NOLC1: variants seen among roughly 807,000 people sequenced by gnomAD.
The protein encoded by NOLC1 is 140 kDa nucleolar phosphoprotein.
A neutral mutation model predicts 73.4 loss-of-function variants in NOLC1; 37 were observed. The observed-to-expected ratio is 0.50, with a 90% CI of 0.39 to 0.66. The LOEUF is 0.66. NOLC1 is among the 30% of genes least tolerant of loss of function. The probability of loss-of-function intolerance (pLI) is 0.00; values close to 1 mark genes in which losing one functional copy is unlikely to be tolerated. For synonymous variants in NOLC1, 327 were observed against 302.6 expected (o/e 1.08, Z -0.84); for missense variants, 921 against 838.9 (o/e 1.10, Z -1.21).
Position 102,152,410 on chromosome 10 carries a change from G to T in NOLC1, c.-1G>T. The T allele has an allele frequency of 1.2e-6, 2 of 1,609,658 alleles. No homozygotes were observed. Among genetic ancestry groups the T allele is most frequent in the South Asian group, 2.2e-5 (2 of 91,092 alleles). The stretch of plus-strand genomic sequence containing the variant: ...CGGTAGTGACGCGTATTGCCTGGAG[G>T]ATGGCGGACGCCGGCATTCGCCGCG... On this transcript the variant is annotated 5_prime_UTR_variant, in exon 1 of 13. Transcript: ENST00000605788.
At chr10:102,153,435 G>A (rs1021980780) in intron 1 of NOLC1, among the ~76,000 whole-genome samples, 9 of 152,098 alleles carry the variant, frequency 5.9e-5, no homozygotes, top group Admixed American at 5.9e-4. Context: ...AGAGGAGAGA[G>A]GGGGGGTCTT....
At position 102,162,344 on chromosome 10, in the gene NOLC1, C is replaced by G. The variant is rs1264088787; in HGVS notation, c.*75C>G. The G allele has an allele frequency of 2.6e-6, 4 of 1,535,588 alleles. No individual in the cohort carries two copies. Among genetic ancestry groups the G allele is most frequent in the African/African-American group, 1.4e-5 (1 of 73,082 alleles). ...TTTCTCCAGTGGACCTGGGAACCCT[C>G]AGGTCTCTAGGTGAGGGTCTTGATG... On this transcript the variant is annotated 3_prime_UTR_variant, in exon 13 of 13. Coordinates refer to ENST00000605788, the MANE Select transcript of NOLC1 (RefSeq NM_004741.5).
At chr10:102,154,809 G>C (rs569761576) in intron 1 of NOLC1, among the ~76,000 whole-genome samples, 1 of 151,648 alleles carries the variant, frequency 6.6e-6, no homozygotes, top group Admixed American at 6.6e-5. Context: ...TTACAGGCCC[G>C]TGAGCCACTG....
At chr10:102,161,239 T>A in intron 10 of NOLC1, 146 bp downstream of exon 10, 3 of 245,770 alleles carry the variant, frequency 1.2e-5, no homozygotes, top group Non-Finnish European at 1.9e-5. Context: ...ACTGGTTACC[T>A]TTTTTTTTTT....
rs758979469 is a variant in NOLC1 at position 102,159,493 on chromosome 10, C to A, written c.784C>A (p.Arg262=). ...APVKAATTPT[R]KSSSSEDSSS... is the part of the protein sequence containing the mutation. ...AGTGAAAGCAGCTACCACCCCTACCCGGAAGAGTTCTAGCAGTGAGGATTC... is the reference window on the plus strand; with the variant it reads ...AGTGAAAGCAGCTACCACCCCTACCAGGAAGAGTTCTAGCAGTGAGGATTC... The change falls in exon 7 of 13, where the codon CGG becomes AGG. Residue 262 remains arginine (R), a synonymous_variant. Transcript: ENST00000605788. 1.9e-6 allele frequency: 3 copies of A among 1,614,124 alleles called. No homozygotes were observed. The highest frequency in any genetic ancestry group is 1.7e-5 in the Admixed American group (1 of 60,010).
In NOLC1 at chr10:102,159,153, C is replaced by G. The variant is rs1175031505; in HGVS notation, c.608-40C>G. 4 of 1,608,226 alleles carry G rather than the reference C, an allele frequency of 2.5e-6. No individual in the cohort carries two copies. The South Asian group carries it at 4.4e-5, about 18-fold the overall frequency. ...GAGGTTTTTCATGGTCCTGACTTGC[C>G]CTAATACTCCTTACTCTTTCTTTTT... On this transcript the variant is annotated intron_variant, in intron 5 of 12. Transcript: ENST00000605788.
intron 11 of NOLC1, 22 bp from the exon 12 acceptor site, chr10:102,161,811 T>C (rs1490454725): frequency 1.9e-6 from 3 of 1,610,292 alleles, no homozygotes; most frequent in African/African-American, 1.3e-5. Context: ...TGTCTTTAAT[T>C]TCCTACTTCA....
intron 1 of NOLC1, among the ~76,000 whole-genome samples, chr10:102,153,219 T>G (rs1467792451): frequency 6.6e-6 from 1 of 152,218 alleles, no homozygotes; most frequent in Non-Finnish European, 1.5e-5. Context: ...TCATCCACTT[T>G]ATAGGATTTT....
At chr10:102,155,022 A>ATTTTTTTTTTT (rs34034390) in intron 1 of NOLC1, among the ~76,000 whole-genome samples, 2 of 131,250 alleles carry the variant, frequency 1.5e-5, no homozygotes, top group African/African-American at 5.7e-5. Flanking sequence ...CACCTGGCTA[A>ATTTTTTTTTTT]TTTTTTTTTT....
At chr10:102,152,723 T>G (rs1248667321) in intron 1 of NOLC1, among the ~76,000 whole-genome samples, 193 bp downstream of exon 1, 1 of 152,216 alleles carries the variant, frequency 6.6e-6, no homozygotes. Flanking sequence ...CATGTCTGAG[T>G]AGATATCGCT....
chr10:102,160,784 A>T lies in NOLC1; in HGVS notation c.1432A>T (p.Ser478Cys), dbSNP rs2069693726. The T allele has an allele frequency of 6.2e-6, 10 of 1,614,258 alleles. No homozygotes were observed. The East Asian group carries it at 2.2e-4, about 36-fold the overall frequency. ...DSSSDSDSSS[S>C]EEEEEKTSKS... ...CAGCTCTGATTCAGACAGCTCCAGC[A>T]GTGAGGAGGAGGAAGAGAAGACATC... Residue 478 changes from serine to cysteine, a missense_variant, in exon 10 of 13, where the codon AGT (serine) becomes TGT (cysteine). Ser to Cys is a moderately radical substitution (Grantham distance 112). Coordinates refer to ENST00000605788, the MANE Select transcript of NOLC1 (RefSeq NM_004741.5).
chr10:102,153,423 A>C (rs1253465301), intron 1 of NOLC1, among the ~76,000 whole-genome samples: 1 of 152,210 alleles, frequency 6.6e-6, no homozygotes, highest in Non-Finnish European at 1.5e-5. Context: ...AGACACTTTG[A>C]GAGAGGAGAG....
At position 102,163,232 on chromosome 10, in the gene NOLC1, C is replaced by G. The variant is rs2069742318; in HGVS notation, c.*963C>G. The stretch of plus-strand genomic sequence containing the variant: ...TTAATTCCTACATGGTTGAGAATCA[C>G]TGATCAAGAAAGTGGGGGGAAAAAA... On this transcript the variant is annotated 3_prime_UTR_variant, in exon 13 of 13. Transcript: ENST00000605788. 6.6e-6 allele frequency: 1 copy of G among 152,064 alleles called. No individual in the cohort carries two copies. The highest frequency in any genetic ancestry group is 1.5e-5 in the Non-Finnish European group (1 of 68,020). The allele number at this position is 152,064 out of a possible 1,614,324, so 9.4% of individuals were successfully genotyped here. A position where few individuals can be genotyped will look rare whatever the true frequency, so the allele number is the denominator to read the frequency against.
chr10:102,153,108 G>A (rs2069533921), intron 1 of NOLC1, among the ~76,000 whole-genome samples: 1 of 152,156 alleles, frequency 6.6e-6, no homozygotes, highest in African/African-American at 2.4e-5. Flanking sequence ...TTGGCTAATT[G>A]AATCAAACAA....
rs763677784 is a variant in NOLC1, at chr10:102,162,080, C to G, written c.1942-31C>G. On this transcript the variant is annotated intron_variant, in intron 12 of 12. Coordinates refer to ENST00000605788, the MANE Select transcript of NOLC1 (RefSeq NM_004741.5). ...GTGACAGGGCTCCAGCATGGTCCTC[C>G]TCTGTGTTAATCTCCCTCTCTACTT... The G allele has an allele frequency of 3.7e-6, 6 of 1,611,144 alleles. No individual in the cohort carries two copies. In the South Asian group the frequency reaches 5.5e-5, roughly 15 times the overall value.
Position 102,159,567 on chromosome 10 carries a change from A to C in NOLC1, c.858A>C (p.Pro286=). The C allele has an allele frequency of 6.2e-7, 1 of 1,613,736 alleles. No individual in the cohort carries two copies. Among genetic ancestry groups the C allele is most frequent in the Non-Finnish European group, 8.5e-7 (1 of 1,179,914 alleles). ...EEQKKPMKNK[P]GPYSSVPPPS... ...AAAAAAAACCCATGAAAAATAAACCAGGTGACTGGACATGGGGAGCGAAGC... is the reference window on the plus strand; with the variant it reads ...AAAAAAAACCCATGAAAAATAAACCCGGTGACTGGACATGGGGAGCGAAGC... The change falls in exon 7 of 13, where the codon CCA becomes CCC. Residue 286 remains proline, a splice_region_variant and synonymous_variant. Coordinates refer to ENST00000605788, the MANE Select transcript of NOLC1 (RefSeq NM_004741.5).
chr10:102,162,216 C>CG lies in NOLC1; in HGVS notation c.2051dup (p.Gly685ArgfsTer11). On this transcript the variant is annotated frameshift_variant, in exon 13 of 13. Transcript: ENST00000605788. LOFTEE classifies it high-confidence loss of function. ...AACCAAGAAGAAGCGGGGCAGCTAC[C>CG]GGGGAGGCTCAATCTCTGTCCAGGT... The CG allele has an allele frequency of 6.2e-7, 1 of 1,614,014 alleles. No individual in the cohort carries two copies. The highest frequency in any genetic ancestry group is 8.5e-7 in the Non-Finnish European group (1 of 1,180,000).
rs1261556250 is a variant in NOLC1, at chr10:102,160,484, T to G, written c.1132T>G (p.Ser378Ala). Residue 378 changes from serine (S) to alanine (A), a missense_variant, in exon 10 of 13, where the codon TCT becomes GCT. Ser to Ala is a moderately conservative substitution (Grantham distance 99). Transcript: ENST00000605788. Reference sequence around the variant, plus strand: ...CAGCTCTGAGGATGATGAAGCTCCTTCTAAGCCAGCTGGTACCACCAAGAA... The same window carrying G: ...CAGCTCTGAGGATGATGAAGCTCCTGCTAAGCCAGCTGGTACCACCAAGAA... ...SDSSEDDEAP[S>A]KPAGTTKNSS... 6.2e-7 allele frequency: 1 copy of G among 1,613,608 alleles called. No homozygotes were observed. The highest frequency in any genetic ancestry group is 1.3e-5 in the African/African-American group (1 of 75,026).
In NOLC1 at chr10:102,157,460, C is replaced by T. The variant is rs1321117674; in HGVS notation, c.346C>T (p.Pro116Ser). 11 of 1,613,958 alleles carry T rather than the reference C, an allele frequency of 6.8e-6. No individual in the cohort carries two copies. The highest frequency in any genetic ancestry group is 6.7e-5 in the East Asian group (3 of 44,896). ...ACCTGCCAAGCGAGTCGGTCTGCCT[C>T]CTGGGAAGGCTGCAGCCAAAGCATC... ...AVPAKRVGLPPGKAAAKASES... is the reference protein window; with the variant it reads ...AVPAKRVGLPSGKAAAKASES... The change falls in exon 4 of 13, where the codon CCT (proline) becomes TCT (serine). Residue 116 changes from proline (P) to serine (S), a missense_variant. Coordinates refer to ENST00000605788, the MANE Select transcript of NOLC1 (RefSeq NM_004741.5).
Sources: allele counts gnomAD v4.1 joint callset (sites outside exome capture counted in the v4.1 genomes callset), GRCh38; gene constraint gnomAD v4.1.1; transcripts MANE v1.5; gene names NCBI Gene and HGNC (gene_info 2026-07-23, HGNC 2026-07-21).